The following ADGRL2 variants were observed in gnomAD, a reference collection of about 807,000 sequenced individuals.
The protein encoded by ADGRL2 is calcium-independent alpha-latrotoxin receptor 2.
A neutral mutation model predicts 157.4 loss-of-function variants in ADGRL2; 44 were observed. The observed-to-expected ratio is 0.28, with a 90% CI of 0.22 to 0.36. ADGRL2 has a LOEUF of 0.36. Ranked by LOEUF, ADGRL2 falls within the 10% of genes least tolerant of loss-of-function variation. The pLI is 1.00. For synonymous variants in ADGRL2, 585 were observed against 624.7 expected (o/e 0.94, Z 0.95); for missense variants, 1,510 against 1,768.9 (o/e 0.85, Z 2.63).
chr1:81,335,576 G>C (rs1661576991), intron 1 of ADGRL2, among the ~76,000 whole-genome samples: 1 of 152,134 alleles, frequency 6.6e-6, no homozygotes, highest in South Asian at 2.1e-4. Context: ...ACCCTTTTCA[G>C]AGTACAGATG....
intron 2 of ADGRL2, chr1:81,502,656 G>C: frequency 6.2e-7 from 1 of 1,613,946 alleles, no homozygotes; most frequent in Non-Finnish European, 8.5e-7. Flanking sequence ...TTCACCCTCA[G>C]CTCAGGACGC....
chr1:81,708,536 T>A (rs1201526384), intron 1 of ADGRL2, among the ~76,000 whole-genome samples: 1 of 152,100 alleles, frequency 6.6e-6, no homozygotes, highest in Admixed American at 6.6e-5. Flanking sequence ...GCACATATAA[T>A]GATGTAGGCA....
chr1:81,991,246 T>G lies in ADGRL2; in HGVS notation c.*101T>G, dbSNP rs7536425. 0.095 allele frequency: 101,763 copies of G among 1,074,374 alleles called. 5,378 individuals carry two copies. Among genetic ancestry groups the G allele is most frequent in the South Asian group, 0.16 (9,558 of 61,268 alleles). The allele number at this position is 1,074,374 out of a possible 1,614,324, so 66.6% of individuals were successfully genotyped here. A position where few individuals can be genotyped will look rare whatever the true frequency, so the allele number is the denominator to read the frequency against. ...CTCAAACTCTGCTTGAAGAGATGAC[T>G]CTTGACCTGTGGTTCTCTGGTGTAA... On this transcript the variant is annotated 3_prime_UTR_variant, in exon 24 of 24. Coordinates refer to ENST00000686636, the MANE Select transcript of ADGRL2 (RefSeq NM_001366006.2).
intron 2 of ADGRL2, among the ~76,000 whole-genome samples, chr1:81,578,253 A>T (rs536102239): frequency 6.6e-6 from 1 of 152,308 alleles, no homozygotes; most frequent in South Asian, 2.1e-4. Context: ...GTATCCAGGT[A>T]CACAGGTATA....
chr1:81,310,425 C>G (rs1274998104), intron 1 of ADGRL2, among the ~76,000 whole-genome samples: 1 of 152,130 alleles, frequency 6.6e-6, no homozygotes, highest in Non-Finnish European at 1.5e-5. Context: ...CTAATATAAA[C>G]AAAAACCCAA....
chr1:81,682,935 C>G (rs1297680090), intron 3 of ADGRL2, among the ~76,000 whole-genome samples: 1 of 152,252 alleles, frequency 6.6e-6, no homozygotes, highest in African/African-American at 2.4e-5. Context: ...TGCTCGAGAC[C>G]AGCCTGGCCA....
At chr1:81,405,156 G>A (rs2076830764) in intron 1 of ADGRL2, among the ~76,000 whole-genome samples, 1 of 152,138 alleles carries the variant, frequency 6.6e-6, no homozygotes, top group African/African-American at 2.4e-5. Flanking sequence ...ATATGCAAGT[G>A]TAGCATGAGG....
At chr1:81,878,811 C>A (rs1432221205) in intron 2 of ADGRL2, among the ~76,000 whole-genome samples, 1 of 152,094 alleles carries the variant, frequency 6.6e-6, no homozygotes, top group Non-Finnish European at 1.5e-5. Context: ...GGTTTATAGT[C>A]TTGTCTTGAA....
chr1:81,320,592 G>A (rs944248412), intron 1 of ADGRL2, among the ~76,000 whole-genome samples: 1 of 152,204 alleles, frequency 6.6e-6, no homozygotes, highest in Non-Finnish European at 1.5e-5. Context: ...ATTTCTTTGT[G>A]CATCTTCATC....
intron 1 of ADGRL2, among the ~76,000 whole-genome samples, chr1:81,345,225 C>T (rs978883895): frequency 4.6e-5 from 7 of 152,122 alleles, no homozygotes; most frequent in African/African-American, 1.7e-4. Flanking sequence ...AAATATAGGG[C>T]AGCTCTCAAA....
intron 1 of ADGRL2, among the ~76,000 whole-genome samples, chr1:81,809,181 A>AAAATT (rs2089540636): frequency 6.6e-6 from 1 of 152,012 alleles, no homozygotes; most frequent in African/African-American, 2.4e-5. Flanking sequence ...CACAGGGATT[A>AAAATT]CACCTTAATC....
chr1:81,443,981 C>T (rs1318753641), intron 1 of ADGRL2, among the ~76,000 whole-genome samples: 1 of 152,128 alleles, frequency 6.6e-6, no homozygotes, highest in East Asian at 1.9e-4. Context: ...GTACTCTTAT[C>T]AGACATCTAT....
At chr1:81,869,211 A>C (rs917782540) in intron 2 of ADGRL2, among the ~76,000 whole-genome samples, 2 of 152,114 alleles carry the variant, frequency 1.3e-5, no homozygotes, top group Non-Finnish European at 2.9e-5. Flanking sequence ...CTTATAAATC[A>C]CTTGGGTCCT....
rs2084529242 is a variant in ADGRL2 at position 81,726,346 on chromosome 1, T to G, written c.-143+26538T>G. Among the ~76,000 whole-genome samples, 5 of 152,292 alleles carry G rather than the reference T, an allele frequency of 3.3e-5. No individual in the cohort carries two copies. In the South Asian group the frequency reaches 1.0e-3, roughly 32 times the overall value. On this transcript the variant is annotated intron_variant, in intron 1 of 20. Coordinates refer to the ADGRL2 transcript ENST00000359929. ...TACTGGGTTACTGAAACCCTTAGTG[T>G]GGTCAAAGAAAACTTTGTGTGATGA...
chr1:81,310,477 A>G (rs1659668773), intron 1 of ADGRL2, among the ~76,000 whole-genome samples: 1 of 152,188 alleles, frequency 6.6e-6, no homozygotes, highest in Non-Finnish European at 1.5e-5. Context: ...TTTGCAGAAC[A>G]TGGGTCAGTA....
At chr1:81,524,119 G>A (rs946940156) in intron 2 of ADGRL2, among the ~76,000 whole-genome samples, 4 of 152,090 alleles carry the variant, frequency 2.6e-5, no homozygotes, top group Non-Finnish European at 4.4e-5. Flanking sequence ...CCAGCACTTT[G>A]GGAGGCCGAG....
At chr1:81,955,850 C>G in intron 10 of ADGRL2, 27 bp from the exon 11 acceptor site, 1 of 1,489,390 alleles carries the variant, frequency 6.7e-7, no homozygotes, top group Non-Finnish European at 9.0e-7. Flanking sequence ...GCGGTCAAAA[C>G]TAATGATAGT....
At chr1:81,502,978 G>A in intron 2 of ADGRL2, 7 of 1,613,452 alleles carry the variant, frequency 4.3e-6, no homozygotes, top group Non-Finnish European at 5.9e-6. Flanking sequence ...GACAACAGTG[G>A]CTGTGCCAAA....
chr1:81,938,608 T>A (rs1161491020), intron 4 of ADGRL2, among the ~76,000 whole-genome samples: 2 of 151,686 alleles, frequency 1.3e-5, no homozygotes, highest in Admixed American at 1.3e-4. Context: ...CAGTAATTAA[T>A]TTGCTGTTAC....
Sources: gnomAD v4.1 joint callset for allele counts (sites outside exome capture counted in the v4.1 genomes callset) on GRCh38, gnomAD v4.1.1 for gene constraint, MANE v1.5 for transcripts, NCBI Gene and HGNC (gene_info 2026-07-23, HGNC 2026-07-21) for gene names.